Variants in AKAP6 observed in about 807,000 individuals in gnomAD.
The protein encoded by AKAP6 is A-kinase anchoring protein 6.
A neutral mutation model predicts 188.5 loss-of-function variants in AKAP6; 58 were observed. The observed-to-expected ratio is 0.31, with a 90% CI of 0.25 to 0.38. AKAP6 has a LOEUF of 0.38. AKAP6 is among the 10% of genes least tolerant of loss of function. The pLI, the probability that AKAP6 is intolerant of heterozygous loss-of-function variation, is 1.00. For synonymous variants in AKAP6, 989 were observed against 998.6 expected, an observed-to-expected ratio of 0.99 and a Z score of 0.18; for missense variants, 2,710 against 2,740.0, an observed-to-expected ratio of 0.99 and a Z score of 0.24.
chr14:32,625,107 C>T (rs942133597), intron 7 of AKAP6, among the ~76,000 whole-genome samples: 7 of 152,016 alleles, frequency 4.6e-5, no homozygotes, highest in African/African-American at 1.7e-4. Flanking sequence ...TTAAAATTAA[C>T]TTTTCCTCAA....
intron 2 of AKAP6, among the ~76,000 whole-genome samples, chr14:32,514,716 T>G (rs1334983173): frequency 6.6e-6 from 1 of 152,162 alleles, no homozygotes; most frequent in East Asian, 1.9e-4. Flanking sequence ...CTTAAATGAC[T>G]GTAATGAAGA....
intron 2 of AKAP6, among the ~76,000 whole-genome samples, chr14:32,449,824 C>A (rs1890877901): frequency 1.3e-5 from 2 of 152,190 alleles, no homozygotes; most frequent in Non-Finnish European, 2.9e-5. Flanking sequence ...GATGTCCTGG[C>A]CCCTTTTCTT....
At chr14:32,387,506 TTATAA>T (rs1888571469) in intron 1 of AKAP6, among the ~76,000 whole-genome samples, 2 of 148,336 alleles carry the variant, frequency 1.3e-5, no homozygotes, top group African/African-American at 2.4e-5. Context: ...ATTATGATAT[TTATAA>T]TATATGTATT....
chr14:32,662,921 A>G (rs1888764877), intron 7 of AKAP6, among the ~76,000 whole-genome samples: 1 of 152,090 alleles, frequency 6.6e-6, no homozygotes, highest in South Asian at 2.1e-4. Context: ...TCTCTTACCA[A>G]CATCAGATGA....
At chr14:32,480,496 G>A (rs954019486) in intron 2 of AKAP6, among the ~76,000 whole-genome samples, 4 of 152,164 alleles carry the variant, frequency 2.6e-5, no homozygotes, top group African/African-American at 9.7e-5. Flanking sequence ...TATGTGCTCT[G>A]ATGTTGAATT....
At chr14:32,787,524 C>CA (rs888438369) in intron 12 of AKAP6, among the ~76,000 whole-genome samples, 33 of 147,084 alleles carry the variant, frequency 2.2e-4, no homozygotes, top group Admixed American at 2.7e-4. Flanking sequence ...TCACCCCCCC[C>CA]AAAAAAATTA....
chr14:32,786,127 A>G (rs1228257097), intron 12 of AKAP6, among the ~76,000 whole-genome samples: 2 of 152,010 alleles, frequency 1.3e-5, no homozygotes, highest in Non-Finnish European at 2.9e-5. Flanking sequence ...GTATGCAGAC[A>G]GATTTTTCCA....
chr14:32,523,422 C>A, intron 2 of AKAP6, among the ~76,000 whole-genome samples: 1 of 151,294 alleles, frequency 6.6e-6, no homozygotes, highest in Admixed American at 6.6e-5. Flanking sequence ...TTGATATCAC[C>A]AACTATCGAA....
At chr14:32,462,209 A>G (rs1429846934) in intron 2 of AKAP6, among the ~76,000 whole-genome samples, 1 of 152,200 alleles carries the variant, frequency 6.6e-6, no homozygotes, top group Non-Finnish European at 1.5e-5. Context: ...GCCCACATTC[A>G]AATTCAGGAA....
intron 12 of AKAP6, among the ~76,000 whole-genome samples, chr14:32,806,812 C>G (rs796950070): frequency 3.0e-4 from 45 of 152,318 alleles, no homozygotes; most frequent in African/African-American, 9.9e-4. Flanking sequence ...GCAGAGAAAT[C>G]TTTAAAGGAG....
intron 2 of AKAP6, among the ~76,000 whole-genome samples, chr14:32,450,613 A>G (rs1302662618): frequency 6.6e-6 from 1 of 152,160 alleles, no homozygotes; most frequent in Non-Finnish European, 1.5e-5. Flanking sequence ...TACTGAACAT[A>G]CCTAAAGCTT....
rs138594734 is a variant in AKAP6 at position 32,813,252 on chromosome 14, A to G, written c.3589-8150A>G. ...AAAACCAGACGTAAAAGAAATGTGC[A>G]GGGTAAGGGGGCGGGCAAAGCTTCC... On this transcript the variant is annotated intron_variant, in intron 12 of 13. Transcript: ENST00000280979. Among the ~76,000 whole-genome samples, 548 of 152,314 alleles carry G rather than the reference A, an allele frequency of 3.6e-3. 2 individuals are homozygous for G. The highest frequency in any genetic ancestry group is 0.013 in the African/African-American group (526 of 41,574).
At chr14:32,410,910 T>A (rs1174175134) in intron 1 of AKAP6, among the ~76,000 whole-genome samples, 5 of 152,210 alleles carry the variant, frequency 3.3e-5, no homozygotes, top group African/African-American at 1.2e-4. Flanking sequence ...CTTTTTAAAT[T>A]GTTAATTCAA....
intron 5 of AKAP6, among the ~76,000 whole-genome samples, chr14:32,578,795 G>T (rs553010982): frequency 6.6e-6 from 1 of 152,274 alleles, no homozygotes; most frequent in South Asian, 2.1e-4. Flanking sequence ...TGAAAGCCGG[G>T]CTAGGAGAGT....
chr14:32,736,381 A>G (rs1335070372), intron 11 of AKAP6, among the ~76,000 whole-genome samples: 3 of 152,214 alleles, frequency 2.0e-5, no homozygotes, highest in African/African-American at 4.8e-5. Flanking sequence ...CATTACAGGC[A>G]TATTCCATTA....
intron 5 of AKAP6, among the ~76,000 whole-genome samples, chr14:32,578,162 C>T (rs1408090075): frequency 2.0e-5 from 3 of 152,046 alleles, no homozygotes; most frequent in Non-Finnish European, 2.9e-5. Flanking sequence ...TGCGAGTTCA[C>T]AGGGTTCCAG....
chr14:32,580,041 T>G (rs1884895543), intron 5 of AKAP6, among the ~76,000 whole-genome samples: 1 of 152,142 alleles, frequency 6.6e-6, no homozygotes, highest in Admixed American at 6.5e-5. Flanking sequence ...CTCCAATATT[T>G]ATTATAAAGA....
chr14:32,793,916 C>A (rs370937176), intron 12 of AKAP6, among the ~76,000 whole-genome samples: 18 of 152,224 alleles, frequency 1.2e-4, no homozygotes, highest in African/African-American at 3.1e-4. Context: ...AACTGTAACA[C>A]CCCACTGACA....
intron 2 of AKAP6, among the ~76,000 whole-genome samples, chr14:32,499,589 T>C (rs1880501227): frequency 1.3e-5 from 2 of 151,940 alleles, no homozygotes; most frequent in African/African-American, 4.8e-5. Context: ...AGTGTTATTG[T>C]TGCTCAGAAT....
Sources: gnomAD v4.1 joint callset for allele counts (sites outside exome capture counted in the v4.1 genomes callset) on GRCh38, gnomAD v4.1.1 for gene constraint, MANE v1.5 for transcripts, NCBI Gene and HGNC (gene_info 2026-07-23, HGNC 2026-07-21) for gene names.